Variants in ELMO1 observed in about 807,000 individuals in gnomAD.
ELMO1 encodes engulfment and cell motility protein 1.
A neutral mutation model predicts 98.9 loss-of-function variants in ELMO1; 26 were observed. The observed-to-expected ratio is 0.26, with a 90% CI of 0.19 to 0.36. ELMO1 has a LOEUF of 0.36. ELMO1 is among the 10% of genes least tolerant of loss of function. ELMO1 has a pLI of 1.00. For synonymous variants in ELMO1, 346 were observed against 346.0 expected, an observed-to-expected ratio of 1.00 and a Z score of 0.00; for missense variants, 627 against 935.2, an observed-to-expected ratio of 0.67 and a Z score of 4.30.
chr7:37,078,957 A>G (rs1464837629), intron 15 of ELMO1, among the ~76,000 whole-genome samples: 1 of 152,222 alleles, frequency 6.6e-6, no homozygotes, highest in Non-Finnish European at 1.5e-5. Context: ...TGGCAGAATA[A>G]TAGATAATTA....
intron 14 of ELMO1, among the ~76,000 whole-genome samples, chr7:37,114,946 A>G (rs1283685611): frequency 6.6e-6 from 1 of 152,214 alleles, no homozygotes; most frequent in Non-Finnish European, 1.5e-5. Context: ...GATCTCATGT[A>G]TATAATAAAG....
At position 36,870,100 on chromosome 7, in the gene ELMO1, C is replaced by T. The variant is rs891793803; in HGVS notation, c.1905+293G>A. Among the ~76,000 whole-genome samples, 6 of 152,084 alleles carry T rather than the reference C, an allele frequency of 3.9e-5. No homozygotes were observed. Among genetic ancestry groups the T allele is most frequent in the African/African-American group, 9.6e-5 (4 of 41,492 alleles). The stretch of plus-strand genomic sequence containing the variant: ...CCAGGGAATGGACGGATGAGCAGAG[C>T]GGGCTCAAGAGAGGACAAAGTGACA... On this transcript the variant is annotated intron_variant, in intron 20 of 21. Coordinates refer to ENST00000310758, the MANE Select transcript of ELMO1 (RefSeq NM_014800.11). This position sits in a 1 kb window ranked among gnomAD's most constrained non-coding sequence, Gnocchi z 4.4.
intron 13 of ELMO1, among the ~76,000 whole-genome samples, chr7:37,178,980 ACT>A (rs1790671492): frequency 6.6e-6 from 1 of 151,922 alleles, no homozygotes; most frequent in African/African-American, 2.4e-5. Context: ...ATCCTAAAAC[ACT>A]CTGCTGTTTG....
chr7:36,942,537 G>A (rs1787129525), intron 16 of ELMO1, among the ~76,000 whole-genome samples: 1 of 152,172 alleles, frequency 6.6e-6, no homozygotes, highest in African/African-American at 2.4e-5. Flanking sequence ...ACATGGATGG[G>A]GATTTCAGGA....
chr7:37,016,643 T>C (rs1209522663), intron 15 of ELMO1, among the ~76,000 whole-genome samples: 1 of 152,228 alleles, frequency 6.6e-6, no homozygotes, highest in African/African-American at 2.4e-5. Flanking sequence ...CAGTGCCTGC[T>C]GACTGAGAAC....
At chr7:37,007,401 C>G (rs1793217520) in intron 16 of ELMO1, among the ~76,000 whole-genome samples, 1 of 152,212 alleles carries the variant, frequency 6.6e-6, no homozygotes, top group Non-Finnish European at 1.5e-5. Flanking sequence ...GTCCTCCCAG[C>G]TTCCCCTGGG....
In ELMO1 at chr7:37,012,270, T is replaced by A. The variant is rs1181963391; in HGVS notation, c.1437+1029A>T. 2.0e-5 allele frequency among the ~76,000 whole-genome samples: 3 copies of A among 152,112 alleles called. No individual in the cohort carries two copies. In the East Asian group the frequency reaches 5.8e-4, roughly 29 times the overall value. The stretch of plus-strand genomic sequence containing the variant: ...AAGATGCCACAAATGAGAAATATAG[T>A]GGGAAACAAGGATGAGATGTATATC... On this transcript the variant is annotated intron_variant, in intron 16 of 21. Coordinates refer to ENST00000310758, the MANE Select transcript of ELMO1 (RefSeq NM_014800.11).
At chr7:37,348,420 A>C (rs2131285694) in intron 1 of ELMO1, among the ~76,000 whole-genome samples, 1 of 152,146 alleles carries the variant, frequency 6.6e-6, no homozygotes, top group East Asian at 1.9e-4. Flanking sequence ...AGAATGCTAT[A>C]CCGTTCCTGC....
At chr7:37,039,812 C>T (rs927628694) in intron 15 of ELMO1, among the ~76,000 whole-genome samples, 3 of 152,190 alleles carry the variant, frequency 2.0e-5, no homozygotes, top group African/African-American at 7.2e-5. Flanking sequence ...GAATTAATCT[C>T]TCTCTACATG....
chr7:36,958,979 A>T (rs1301301674), intron 16 of ELMO1, among the ~76,000 whole-genome samples: 2 of 152,026 alleles, frequency 1.3e-5, no homozygotes, highest in Non-Finnish European at 2.9e-5. Flanking sequence ...CTATCCGGGC[A>T]TCTCACAGCC....
At chr7:37,316,878 A>C (rs1015306233) in intron 2 of ELMO1, among the ~76,000 whole-genome samples, 3 of 152,200 alleles carry the variant, frequency 2.0e-5, no homozygotes, top group African/African-American at 7.2e-5. Context: ...GTCTATATGA[A>C]GGGCAATGTG....
intron 15 of ELMO1, among the ~76,000 whole-genome samples, chr7:37,082,560 TGTAGA>T (rs1797924668): frequency 6.6e-6 from 1 of 151,826 alleles, no homozygotes; most frequent in African/African-American, 2.4e-5. Context: ...ATTGGTATAG[TGTAGA>T]GTAGTGTGTC....
chr7:37,102,636 G>A (rs901100387), intron 14 of ELMO1, among the ~76,000 whole-genome samples: 3 of 152,210 alleles, frequency 2.0e-5, no homozygotes, highest in African/African-American at 7.2e-5. Context: ...GGCCTTCTTT[G>A]AAGGGCTTTG....
intron 1 of ELMO1, among the ~76,000 whole-genome samples, chr7:37,377,167 T>C (rs1020618150): frequency 6.6e-5 from 10 of 152,202 alleles, no homozygotes; most frequent in African/African-American, 2.4e-4. Context: ...TATTGCTAGC[T>C]TAGAAAAATA....
chr7:36,925,629 TTTC>T (rs1258381613), intron 16 of ELMO1, among the ~76,000 whole-genome samples: 2 of 152,206 alleles, frequency 1.3e-5, no homozygotes, highest in Non-Finnish European at 2.9e-5. Flanking sequence ...GTTTGGTCCT[TTTC>T]TTTTCACTTT....
chr7:37,047,495 G>C (rs1795862377), intron 15 of ELMO1, among the ~76,000 whole-genome samples: 1 of 152,236 alleles, frequency 6.6e-6, no homozygotes, highest in South Asian at 2.1e-4. Flanking sequence ...AGCAGGGCAG[G>C]TTCAGCTACT....
At chr7:37,320,261 G>C (rs1182405134) in intron 2 of ELMO1, among the ~76,000 whole-genome samples, 1 of 150,882 alleles carries the variant, frequency 6.6e-6, no homozygotes, top group African/African-American at 2.4e-5. Flanking sequence ...CCTGGCGACA[G>C]AGCAAGACTC....
At chr7:37,311,731 G>T (rs1798902684) in intron 4 of ELMO1, among the ~76,000 whole-genome samples, 1 of 152,140 alleles carries the variant, frequency 6.6e-6, no homozygotes, top group South Asian at 2.1e-4. Flanking sequence ...GAAGAGCAAT[G>T]ACACCGTATT....
At chr7:37,160,335 C>A (rs1279177981) in intron 13 of ELMO1, among the ~76,000 whole-genome samples, 3 of 152,200 alleles carry the variant, frequency 2.0e-5, no homozygotes, top group Non-Finnish European at 2.9e-5. Flanking sequence ...TTAATAGGAA[C>A]ATTTCAATCC....
Sources: allele counts gnomAD v4.1 joint callset (sites outside exome capture counted in the v4.1 genomes callset), GRCh38; gene constraint gnomAD v4.1.1; non-coding constraint Gnocchi (gnomAD v3.1); transcripts MANE v1.5; gene names NCBI Gene and HGNC (gene_info 2026-07-23, HGNC 2026-07-21).